The following USP6NL variants were observed in gnomAD, a reference collection of about 807,000 sequenced individuals.
The protein encoded by USP6NL is USP6 N-terminal like.
In USP6NL, 26 loss-of-function variants were observed where a neutral mutation model predicts 61.9. That is an observed-to-expected ratio of 0.42 (90% CI 0.31 to 0.58). The LOEUF is 0.58. USP6NL is among the 20% of genes least tolerant of loss of function. The probability of loss-of-function intolerance (pLI) is 0.16; values close to 1 mark genes in which losing one functional copy is unlikely to be tolerated. For synonymous variants in USP6NL, 432 were observed against 390.1 expected, an observed-to-expected ratio of 1.11 and a Z score of -1.27; for missense variants, 1,114 against 1,034.3, an observed-to-expected ratio of 1.08 and a Z score of -1.06.
At chr10:11,486,590 C>T (rs1833479680) in intron 10 of USP6NL, among the ~76,000 whole-genome samples, 1 of 152,140 alleles carries the variant, frequency 6.6e-6, no homozygotes, top group Admixed American at 6.5e-5. Flanking sequence ...TCTATACAAT[C>T]CATTAAAAAG....
At chr10:11,526,014 G>A (rs894873178) in intron 3 of USP6NL, among the ~76,000 whole-genome samples, 1 of 152,102 alleles carries the variant, frequency 6.6e-6, no homozygotes, top group African/African-American at 2.4e-5. Context: ...TCATCTAACG[G>A]ATCTCTGAAG....
In USP6NL at chr10:11,463,025, G is replaced by A. The variant is rs77522325; in HGVS notation, c.1903C>T (p.Pro635Ser). The change falls in exon 15 of 15, where the codon CCC becomes TCC. Residue 635 changes from proline (P) to serine (S), a missense_variant. Coordinates refer to ENST00000609104, the MANE Select transcript of USP6NL (RefSeq NM_014688.5). The surrounding 1 kb of genome is among the most constrained non-coding windows in gnomAD (Gnocchi z 6.3). ...GGAGAGTTTCCGTGGTAAACGGGGG[G>A]ATTGCTGTAGGAGGGGGGATGAGCT... Reference protein sequence around the residue: ...GLAHPPSYSNPPVYHGNSPKH... With the variant: ...GLAHPPSYSNSPVYHGNSPKH... 80 of 1,613,930 alleles carry A rather than the reference G, an allele frequency of 5.0e-5. No homozygotes were observed. The African/African-American group carries it at 1.0e-3, about 20-fold the overall frequency.
rs1426511451 is a variant in USP6NL, at chr10:11,528,274, ATAACAGACTAT to A, written c.5-718_5-708del. Among the ~76,000 whole-genome samples, 1 of 151,952 alleles carries A rather than the reference ATAACAGACTAT, an allele frequency of 6.6e-6. No homozygotes were observed. The highest frequency in any genetic ancestry group is 2.4e-5 in the African/African-American group (1 of 41,420). On this transcript the variant is annotated intron_variant, in intron 2 of 14. Transcript: ENST00000609104. This position sits in a 1 kb window ranked among gnomAD's most constrained non-coding sequence, Gnocchi z 4.6. ...TACCATAAGTTTTTTTAAAAGATCAATAACAGACTATATAAAAGGCTTCTCTTACCAAAAAA... is the reference window on the plus strand; with the variant it reads ...TACCATAAGTTTTTTTAAAAGATCAAATAAAAGGCTTCTCTTACCAAAAAA...
rs933219514 is a variant in USP6NL at position 11,460,800 on chromosome 10, T to C, written c.*1641A>G. The C allele has an allele frequency of 6.6e-6, 1 of 152,308 alleles. No homozygotes were observed. Among genetic ancestry groups the C allele is most frequent in the African/African-American group, 2.4e-5 (1 of 41,378 alleles). 9.4% of individuals were successfully genotyped at this position (152,308 alleles called of 1,614,324 possible). A position where few individuals can be genotyped will look rare whatever the true frequency, so the allele number is the denominator to read the frequency against. On this transcript the variant is annotated 3_prime_UTR_variant, in exon 15 of 15. Coordinates refer to ENST00000609104, the MANE Select transcript of USP6NL (RefSeq NM_014688.5). The stretch of plus-strand genomic sequence containing the variant: ...GGGAATTAATATCCTCAGCTACATA[T>C]TTATATACATTTATTTCTCAGCTTC...
In USP6NL at chr10:11,511,403, C is replaced by T. The variant is rs538075622; in HGVS notation, c.196-1728G>A. Among the ~76,000 whole-genome samples the T allele has an allele frequency of 1.3e-5, 2 of 152,282 alleles. No individual in the cohort carries two copies. The highest frequency in any genetic ancestry group is 2.1e-4 in the South Asian group (1 of 4,822). ...AAATGTGACTTTAGAGAAGGCCAAG[C>T]TGTGAAAAATTAAGATTGATCTAAA... On this transcript the variant is annotated intron_variant, in intron 5 of 14. Transcript: ENST00000609104. The surrounding 1 kb of genome is among the most constrained non-coding windows in gnomAD (Gnocchi z 4.9).
intron 2 of USP6NL, among the ~76,000 whole-genome samples, chr10:11,594,291 C>G (rs527514462): frequency 1.3e-5 from 2 of 152,176 alleles, no homozygotes; most frequent in African/African-American, 2.4e-5. Context: ...AGAAATGTAA[C>G]TCAGTCTGAT....
At chr10:11,570,712 T>A (rs1347564019) in intron 2 of USP6NL, among the ~76,000 whole-genome samples, 1 of 152,214 alleles carries the variant, frequency 6.6e-6, no homozygotes, top group Admixed American at 6.5e-5. Context: ...ATGATTACAT[T>A]TACGCCTTAC....
intron 2 of USP6NL, among the ~76,000 whole-genome samples, chr10:11,566,546 T>C (rs909004265): frequency 1.3e-5 from 2 of 152,192 alleles, no homozygotes; most frequent in African/African-American, 4.8e-5. Flanking sequence ...AGAAACTAAG[T>C]TGCTCAAGGT....
intron 2 of USP6NL, among the ~76,000 whole-genome samples, chr10:11,549,322 T>C (rs2133482634): frequency 6.6e-6 from 1 of 152,294 alleles, no homozygotes; most frequent in East Asian, 1.9e-4. Flanking sequence ...TATGTTTACA[T>C]TATATGATAT....
chr10:11,517,149 G>A (rs1834991373), intron 5 of USP6NL, among the ~76,000 whole-genome samples: 1 of 152,170 alleles, frequency 6.6e-6, no homozygotes, highest in South Asian at 2.1e-4. Flanking sequence ...CACTTGAAGG[G>A]ACAATCTCTG....
intron 4 of USP6NL, among the ~76,000 whole-genome samples, chr10:11,523,295 G>C (rs1388594365): frequency 6.6e-6 from 1 of 152,216 alleles, no homozygotes; most frequent in Non-Finnish European, 1.5e-5. Flanking sequence ...GAGTCAGAGA[G>C]ACTGGATGCT....
rs1157903967 is a variant in USP6NL at position 11,602,211 on chromosome 10, CA to C, written c.-83-4495del. 6.6e-6 allele frequency among the ~76,000 whole-genome samples: 1 copy of C among 152,076 alleles called. No homozygotes were observed. The highest frequency in any genetic ancestry group is 2.4e-5 in the African/African-American group (1 of 41,414). ...TAAACAACGAGCAACGTATTTAACG[CA>C]ACTTTCTCATCAAGTCAGAAAGAAA... On this transcript the variant is annotated intron_variant, in intron 1 of 14. Coordinates refer to ENST00000609104, the MANE Select transcript of USP6NL (RefSeq NM_014688.5). This position sits in a 1 kb window ranked among gnomAD's most constrained non-coding sequence, Gnocchi z 4.8.
chr10:11,464,414 C>T (rs569818189), intron 14 of USP6NL, among the ~76,000 whole-genome samples: 5 of 152,260 alleles, frequency 3.3e-5, no homozygotes, highest in Admixed American at 2.6e-4. Context: ...GTAAGGCCTG[C>T]GATAGGCAGA....
Position 11,462,003 on chromosome 10 carries a change from A to G in USP6NL, c.*438T>C, listed in dbSNP as rs2096215975. ...AACGTTTCTTTAGCTCTGTGTTCAA[A>G]TGTGGATGAACAGATGCCTATATCT... On this transcript the variant is annotated 3_prime_UTR_variant, in exon 15 of 15. Transcript: ENST00000609104. The G allele has an allele frequency of 6.4e-6, 1 of 155,830 alleles. No individual in the cohort carries two copies. Among genetic ancestry groups the G allele is most frequent in the Non-Finnish European group, 1.4e-5 (1 of 70,634 alleles). The allele number at this position is 155,830 out of a possible 1,614,324, so 9.7% of individuals were successfully genotyped here.
chr10:11,507,534 A>G (rs1055803973), intron 6 of USP6NL, among the ~76,000 whole-genome samples: 1 of 152,234 alleles, frequency 6.6e-6, no homozygotes, highest in African/African-American at 2.4e-5. Context: ...AGTATGCTCA[A>G]AAAGAAAAGG....
At position 11,491,955 on chromosome 10, in the gene USP6NL, A is replaced by AT. The variant is rs887363154; in HGVS notation, c.495-1076dup. ...CAATTATTATGAGTATTTCTTCCTT[A>AT]TTTTTTTGTAAATGTGCTTGTATAT... On this transcript the variant is annotated intron_variant, in intron 8 of 14. Transcript: ENST00000609104. This position sits in a 1 kb window ranked among gnomAD's most constrained non-coding sequence, Gnocchi z 4.7. Among the ~76,000 whole-genome samples, 2 of 152,144 alleles carry AT rather than the reference A, an allele frequency of 1.3e-5. No individual in the cohort carries two copies. The highest frequency in any genetic ancestry group is 4.8e-5 in the African/African-American group (2 of 41,422).
rs1348654292 is a variant in USP6NL at position 11,495,213 on chromosome 10, T to C, written c.385-1985A>G. On this transcript the variant is annotated intron_variant, in intron 7 of 14. Coordinates refer to ENST00000609104, the MANE Select transcript of USP6NL (RefSeq NM_014688.5). The surrounding 1 kb of genome is among the most constrained non-coding windows in gnomAD (Gnocchi z 4.6). ...ACTGTGTCCCCTCAGCTCCTATCTCTGTATGGCCTGGTTTTTCCTAGGTTA... is the reference window on the plus strand; with the variant it reads ...ACTGTGTCCCCTCAGCTCCTATCTCCGTATGGCCTGGTTTTTCCTAGGTTA... Among the ~76,000 whole-genome samples the C allele has an allele frequency of 1.3e-5, 2 of 152,230 alleles. No individual in the cohort carries two copies. Among genetic ancestry groups the C allele is most frequent in the African/African-American group, 2.4e-5 (1 of 41,466 alleles).
At chr10:11,543,099 C>T (rs1439827083) in intron 2 of USP6NL, among the ~76,000 whole-genome samples, 1 of 152,110 alleles carries the variant, frequency 6.6e-6, no homozygotes, top group African/African-American at 2.4e-5. Flanking sequence ...CCTGGGTATT[C>T]AATCATTATT....
In USP6NL at chr10:11,463,815, C is replaced by T; in HGVS notation, c.1113G>A (p.Gly371=). 2 of 1,475,452 alleles carry T rather than the reference C, an allele frequency of 1.4e-6. No homozygotes were observed. The highest frequency in any genetic ancestry group is 9.0e-7 in the Non-Finnish European group (1 of 1,113,718). The allele number at this position is 1,475,452 out of a possible 1,614,324, so 91.4% of individuals were successfully genotyped here. ...KEDEYPKKPL[G]QLPPELQSWG... is the part of the protein sequence containing the mutation. ...AAGACTGAAGTTCAGGTGGAAGCTG[C>T]CCCAAGGGCTTCTTTGGATATTCAT... is the stretch of plus-strand genomic sequence containing the variant. The change falls in exon 15 of 15, where the codon GGG becomes GGA. Residue 371 remains glycine, a synonymous_variant. Coordinates refer to ENST00000609104, the MANE Select transcript of USP6NL (RefSeq NM_014688.5). This position sits in a 1 kb window ranked among gnomAD's most constrained non-coding sequence, Gnocchi z 6.3.
Sources: allele counts gnomAD v4.1 joint callset (sites outside exome capture counted in the v4.1 genomes callset), GRCh38; gene constraint gnomAD v4.1.1; non-coding constraint Gnocchi (gnomAD v3.1); transcripts MANE v1.5; gene names NCBI Gene and HGNC (gene_info 2026-07-23, HGNC 2026-07-21).